SCTR: variants seen among roughly 807,000 people sequenced by gnomAD.
SCTR encodes secretin receptor.
In SCTR, 56 loss-of-function variants were observed where a neutral mutation model predicts 60.8. The observed-to-expected ratio is 0.92, with a 90% CI of 0.74 to 1.15. The LOEUF (loss-of-function observed/expected upper bound fraction) is 1.15. Among genes scored for constraint, SCTR ranks in the 50% most tolerant of loss-of-function variants. The pLI, the probability that SCTR is intolerant of heterozygous loss-of-function variation, is 0.00. For missense variants in SCTR, 562 were observed against 550.4 expected (o/e 1.02, Z -0.21); for synonymous variants, 202 against 217.0 (o/e 0.93, Z 0.61).
At chr2:119,459,498 ATT>A in intron 7 of SCTR, among the ~76,000 whole-genome samples, 1 of 152,052 alleles carries the variant, frequency 6.6e-6, no homozygotes, top group Non-Finnish European at 1.5e-5. Context: ...AATCAGTATA[ATT>A]TCAAGCAGGG....
intron 2 of SCTR, chr2:119,486,737 T>G (rs1677883693): frequency 6.6e-6 from 1 of 152,190 alleles, no homozygotes; most frequent in Non-Finnish European, 1.5e-5. Flanking sequence ...TAATAGTGCT[T>G]ATTGCACAGT....
intron 7 of SCTR, among the ~76,000 whole-genome samples, chr2:119,460,401 T>C (rs1683554615): frequency 1.3e-5 from 2 of 151,054 alleles, no homozygotes; most frequent in South Asian, 4.2e-4. Flanking sequence ...GAGGAATGGA[T>C]GGATGAGTGG....
chr2:119,507,735 G>A (rs943528219), intron 1 of SCTR, among the ~76,000 whole-genome samples: 2 of 135,184 alleles, frequency 1.5e-5, no homozygotes, highest in African/African-American at 5.6e-5. Flanking sequence ...GAATGATGCA[G>A]TGGCACGATC....
intron 4 of SCTR, among the ~76,000 whole-genome samples, chr2:119,468,945 A>T (rs1031916378): frequency 7.9e-5 from 12 of 152,130 alleles, no homozygotes; most frequent in African/African-American, 2.7e-4. Context: ...AGTTGGGGGA[A>T]GTTTCCAGAA....
Position 119,470,047 on chromosome 2 carries a change from C to T in SCTR, c.405+3406G>A, listed in dbSNP as rs150508764. ...CTCAACTCTGCCCTTGTCATGTAAACGTAGCCTTACTGTGGTAGGAATGGG... is the reference window on the plus strand; with the variant it reads ...CTCAACTCTGCCCTTGTCATGTAAATGTAGCCTTACTGTGGTAGGAATGGG... On this transcript the variant is annotated intron_variant, in intron 4 of 12. Coordinates refer to ENST00000019103, the MANE Select transcript of SCTR (RefSeq NM_002980.3). 3.0e-3 allele frequency among the ~76,000 whole-genome samples: 450 copies of T among 152,302 alleles called. 1 individual carries two copies. Among genetic ancestry groups the T allele is most frequent in the African/African-American group, 0.01 (433 of 41,570 alleles).
At chr2:119,443,933 C>T (rs1682755079) in intron 11 of SCTR, among the ~76,000 whole-genome samples, 1 of 152,064 alleles carries the variant, frequency 6.6e-6, no homozygotes, top group South Asian at 2.1e-4. Flanking sequence ...TTTAGAAATG[C>T]ACACTAAACT....
intron 3 of SCTR, among the ~76,000 whole-genome samples, chr2:119,477,138 G>A (rs1011923621): frequency 6.6e-6 from 1 of 152,208 alleles, no homozygotes; most frequent in African/African-American, 2.4e-5. Flanking sequence ...CTCCCCAGCA[G>A]TGAGCAACTT....
intron 2 of SCTR, among the ~76,000 whole-genome samples, chr2:119,492,124 C>T (rs975643901): frequency 6.6e-6 from 1 of 152,180 alleles, no homozygotes; most frequent in Non-Finnish European, 1.5e-5. Flanking sequence ...GCCAGAAATG[C>T]AGGTATTCTT....
At chr2:119,494,390 C>T (rs201199798) in intron 2 of SCTR, 38 bp downstream of exon 2, 3 of 1,606,692 alleles carry the variant, frequency 1.9e-6, no homozygotes, top group African/African-American at 1.3e-5. Flanking sequence ...ACATGCTCCA[C>T]CCCCAAGAGA....
chr2:119,445,109 G>C (rs1682877155), intron 11 of SCTR, among the ~76,000 whole-genome samples: 1 of 151,950 alleles, frequency 6.6e-6, no homozygotes, highest in Non-Finnish European at 1.5e-5. Context: ...TCCTAGAGAA[G>C]TAGTCCACAG....
chr2:119,473,472 T>A lies in SCTR; in HGVS notation c.386A>T (p.Asp129Val). Residue 129 changes from aspartate (D) to valine (V), a missense_variant, in exon 4 of 13, where the codon GAC becomes GTC. By Grantham distance (152) the Asp-to-Val change is radical. Coordinates refer to ENST00000019103, the MANE Select transcript of SCTR (RefSeq NM_002980.3). ...PNLACGVNVN[D>V]SSNEKRHSYL... ...GCTTACCCGCTTCTCGTTGGAAGAG[T>A]CGTTCACATTAACGCCACAGGCCAG... 1 of 1,612,380 alleles carries A rather than the reference T, an allele frequency of 6.2e-7. No homozygotes were observed. The highest frequency in any genetic ancestry group is 8.5e-7 in the Non-Finnish European group (1 of 1,179,006).
intron 2 of SCTR, among the ~76,000 whole-genome samples, chr2:119,491,082 A>C (rs1399189164): frequency 6.6e-6 from 1 of 152,202 alleles, no homozygotes; most frequent in Non-Finnish European, 1.5e-5. Context: ...GGGAATCCAA[A>C]CAATGACATC....
intron 1 of SCTR, among the ~76,000 whole-genome samples, chr2:119,521,083 G>A (rs1679273581): frequency 6.6e-6 from 1 of 152,198 alleles, no homozygotes. Flanking sequence ...TCAGAAGAGA[G>A]AATTATCTGG....
At chr2:119,516,427 T>C (rs7601875) in intron 1 of SCTR, among the ~76,000 whole-genome samples, 34,748 of 152,108 alleles carry the variant, frequency 0.23, 5,057 homozygotes, top group East Asian at 0.79. Flanking sequence ...ATGAATAAAC[T>C]TGAAAGACAT....
chr2:119,465,676 C>T (rs1573834524), intron 5 of SCTR, 113 bp downstream of exon 5: 3 of 726,292 alleles, frequency 4.1e-6, no homozygotes, highest in African/African-American at 1.7e-5. Flanking sequence ...GATCAAGAGA[C>T]GACAAGGTAG....
chr2:119,460,009 C>T (rs761446307), intron 7 of SCTR, among the ~76,000 whole-genome samples: 2 of 151,852 alleles, frequency 1.3e-5, no homozygotes, highest in African/African-American at 2.4e-5. Flanking sequence ...CTAGAGACGT[C>T]GGCATAACTC....
intron 11 of SCTR, among the ~76,000 whole-genome samples, chr2:119,441,853 CA>C (rs112954891): frequency 0.061 from 9,307 of 152,136 alleles, 933 homozygotes; most frequent in African/African-American, 0.21. Context: ...CATATGGTGT[CA>C]GGGGGGCTGC....
intron 11 of SCTR, 187 bp from the exon 12 acceptor site, chr2:119,441,786 C>G (rs566523036): frequency 2.3e-5 from 14 of 599,436 alleles, no homozygotes; most frequent in Admixed American, 1.9e-4. Context: ...GCTGTGCTGG[C>G]TCATCCAGCA....
intron 1 of SCTR, among the ~76,000 whole-genome samples, chr2:119,523,568 C>T (rs1244812337): frequency 6.6e-6 from 1 of 151,868 alleles, no homozygotes; most frequent in East Asian, 1.9e-4. Context: ...CAGGCGGTCC[C>T]ATCGCAGACC....
Sources: gnomAD v4.1 joint callset for allele counts (sites outside exome capture counted in the v4.1 genomes callset) on GRCh38, gnomAD v4.1.1 for gene constraint, MANE v1.5 for transcripts, NCBI Gene and HGNC (gene_info 2026-07-23, HGNC 2026-07-21) for gene names.